CARMIL1: variants seen among roughly 807,000 people sequenced by gnomAD.
CARMIL1 encodes capping protein regulator and myosin 1 linker 1.
Under a neutral mutation model 177.1 loss-of-function variants are expected in CARMIL1, and 90 were observed. The observed-to-expected ratio is 0.51, with a 90% CI of 0.43 to 0.61. The LOEUF (loss-of-function observed/expected upper bound fraction) is 0.61. Among genes scored for constraint, CARMIL1 ranks in the 20% least tolerant of loss-of-function variants. The probability of loss-of-function intolerance (pLI) is 0.00; values close to 1 mark genes in which losing one functional copy is unlikely to be tolerated. For missense variants in CARMIL1, 1,380 were observed against 1,667.0 expected (o/e 0.83, Z 3.00); for synonymous variants, 577 against 606.2 (o/e 0.95, Z 0.71).
chr6:25,310,157 A>G (rs527787665), intron 2 of CARMIL1, among the ~76,000 whole-genome samples: 3 of 152,156 alleles, frequency 2.0e-5, no homozygotes, highest in East Asian at 3.9e-4. Flanking sequence ...GAGCGTGCAT[A>G]CAAGTTTTTG....
At chr6:25,526,554 C>G (rs1448332112) in intron 23 of CARMIL1, among the ~76,000 whole-genome samples, 1 of 145,176 alleles carries the variant, frequency 6.9e-6, no homozygotes, top group Non-Finnish European at 1.5e-5. Flanking sequence ...CTCTTCTGTT[C>G]TTTTTTTTTT....
At chr6:25,316,505 G>A (rs556092593) in intron 2 of CARMIL1, among the ~76,000 whole-genome samples, 2 of 151,504 alleles carry the variant, frequency 1.3e-5, no homozygotes, top group Admixed American at 6.6e-5. Context: ...TCCATCTCGC[G>A]GGTTCAAGCG....
rs188200193 is a variant in CARMIL1 at position 25,323,516 on chromosome 6, G to A, written c.138+38607G>A. Among the ~76,000 whole-genome samples, 563 of 152,204 alleles carry A rather than the reference G, an allele frequency of 3.7e-3. 3 individuals are homozygous for A. The highest frequency in any genetic ancestry group is 0.012 in the African/African-American group (509 of 41,506). On this transcript the variant is annotated intron_variant, in intron 2 of 36. Coordinates refer to ENST00000329474, the MANE Select transcript of CARMIL1 (RefSeq NM_017640.6). ...CCCAGCTACTCGGGAGGCTGAGGCG[G>A]GAGGATTGCTTGAGCCCAGGAGTTT...
intron 29 of CARMIL1, among the ~76,000 whole-genome samples, chr6:25,575,600 T>A (rs1812512569): frequency 6.6e-6 from 1 of 152,186 alleles, no homozygotes; most frequent in Non-Finnish European, 1.5e-5. Context: ...TTTTGGGCAA[T>A]TCGGGAAAAT....
intron 29 of CARMIL1, among the ~76,000 whole-genome samples, chr6:25,568,824 T>C (rs1345855555): frequency 6.6e-6 from 1 of 152,346 alleles, no homozygotes; most frequent in East Asian, 1.9e-4. Flanking sequence ...TTATTTGATA[T>C]TGAAACTTTA....
At chr6:25,492,620 G>A (rs1466256302) in intron 15 of CARMIL1, among the ~76,000 whole-genome samples, 1 of 152,054 alleles carries the variant, frequency 6.6e-6, no homozygotes, top group Non-Finnish European at 1.5e-5. Context: ...AATATCTAAA[G>A]AATTAATACA....
chr6:25,403,709 A>C (rs1455519974), intron 2 of CARMIL1, among the ~76,000 whole-genome samples: 2 of 152,070 alleles, frequency 1.3e-5, no homozygotes, highest in South Asian at 4.1e-4. Flanking sequence ...ACCTCACTTC[A>C]TAATTACGTC....
intron 2 of CARMIL1, among the ~76,000 whole-genome samples, chr6:25,414,048 G>A (rs189299116): frequency 1.3e-5 from 2 of 152,226 alleles, no homozygotes; most frequent in Admixed American, 1.3e-4. Flanking sequence ...TTTAGCAAAG[G>A]CATATTAGGT....
intron 2 of CARMIL1, among the ~76,000 whole-genome samples, chr6:25,384,937 C>T (rs1792003354): frequency 6.6e-6 from 1 of 152,184 alleles, no homozygotes; most frequent in African/African-American, 2.4e-5. Flanking sequence ...TTTAATTTCG[C>T]CCATCCATTC....
At chr6:25,566,829 A>T (rs1158378837) in intron 29 of CARMIL1, among the ~76,000 whole-genome samples, 4 of 152,252 alleles carry the variant, frequency 2.6e-5, no homozygotes, top group Admixed American at 2.6e-4. Flanking sequence ...TAATGCCATC[A>T]ATAAATATCA....
At chr6:25,591,892 G>A (rs1157373944) in intron 31 of CARMIL1, among the ~76,000 whole-genome samples, 2 of 152,150 alleles carry the variant, frequency 1.3e-5, no homozygotes. Flanking sequence ...AAAGCAAACT[G>A]TTTTGTTCAG....
intron 2 of CARMIL1, among the ~76,000 whole-genome samples, chr6:25,289,051 G>A (rs1001030079): frequency 1.3e-5 from 2 of 152,152 alleles, no homozygotes; most frequent in East Asian, 3.8e-4. Flanking sequence ...GGCTAAGAAG[G>A]AACAGGCCAG....
chr6:25,325,526 T>C (rs894508114), intron 2 of CARMIL1, among the ~76,000 whole-genome samples: 2 of 152,246 alleles, frequency 1.3e-5, no homozygotes, highest in African/African-American at 4.8e-5. Flanking sequence ...GTTTGGAAGA[T>C]AATTTGCTTG....
At chr6:25,404,132 C>G (rs1010412644) in intron 2 of CARMIL1, among the ~76,000 whole-genome samples, 3 of 152,240 alleles carry the variant, frequency 2.0e-5, no homozygotes, top group East Asian at 3.8e-4. Flanking sequence ...GTTTTAGGCT[C>G]TGCTTTCTGC....
At chr6:25,606,976 C>T (rs1294682312) in intron 35 of CARMIL1, among the ~76,000 whole-genome samples, 1 of 152,028 alleles carries the variant, frequency 6.6e-6, no homozygotes, top group Non-Finnish European at 1.5e-5. Context: ...TTGGTCTTCA[C>T]CTTATTCTCT....
chr6:25,280,249 G>A (rs934850500), intron 1 of CARMIL1, among the ~76,000 whole-genome samples: 40 of 152,184 alleles, frequency 2.6e-4, no homozygotes, highest in African/African-American at 9.7e-4. Flanking sequence ...AAAGCCTATT[G>A]GAAGGACAGG....
chr6:25,330,104 T>A (rs373973495), intron 2 of CARMIL1, among the ~76,000 whole-genome samples: 14 of 152,224 alleles, frequency 9.2e-5, no homozygotes, highest in African/African-American at 3.4e-4. Flanking sequence ...TGAATGCTCA[T>A]GATGTGTCAG....
In CARMIL1 at chr6:25,515,371, A is replaced by G. The variant is rs529091256; in HGVS notation, c.1633-304A>G. Among the ~76,000 whole-genome samples the G allele has an allele frequency of 2.6e-5, 4 of 152,018 alleles. No homozygotes were observed. Among genetic ancestry groups the G allele is most frequent in the Admixed American group, 6.5e-5 (1 of 15,274 alleles). On this transcript the variant is annotated intron_variant, in intron 20 of 36. Coordinates refer to ENST00000329474, the MANE Select transcript of CARMIL1 (RefSeq NM_017640.6). The surrounding 1 kb of genome is among the most constrained non-coding windows in gnomAD (Gnocchi z 5.0). ...GCTGAGAAATTTTTGTTATGTTTTT[A>G]TTTATTTCATCCTATCCTCTGCTTC...
chr6:25,387,114 C>CAA (rs377548646), intron 2 of CARMIL1, among the ~76,000 whole-genome samples: 17,626 of 101,802 alleles, frequency 0.17, 1,849 homozygotes, highest in East Asian at 0.26. Flanking sequence ...ACTCTGTCTC[C>CAA]AAAAAAAAAA....
Sources: gnomAD v4.1 joint callset for allele counts (sites outside exome capture counted in the v4.1 genomes callset) on GRCh38, gnomAD v4.1.1 for gene constraint, Gnocchi (gnomAD v3.1) non-coding constraint, MANE v1.5 for transcripts, NCBI Gene and HGNC (gene_info 2026-07-23, HGNC 2026-07-21) for gene names.